The following ST3GAL6 variants were observed in gnomAD, a reference collection of about 807,000 sequenced individuals.
ST3GAL6 encodes the protein type 2 lactosamine alpha-2,3-sialyltransferase.
ST3GAL6 carries 31 observed loss-of-function variants against 40.5 expected under a neutral mutation model. The observed-to-expected ratio is 0.77, with a 90% CI of 0.58 to 1.03. ST3GAL6 has a LOEUF of 1.03. Ranked by LOEUF, ST3GAL6 falls within the 50% of genes least tolerant of loss-of-function variation. The pLI, the probability that ST3GAL6 is intolerant of heterozygous loss-of-function variation, is 0.00. For synonymous variants in ST3GAL6, 129 were observed against 136.9 expected (o/e 0.94, Z 0.40); for missense variants, 357 against 393.2 (o/e 0.91, Z 0.78).
chr3:98,732,706 C>A, intron 1 of ST3GAL6: 1 of 715,174 alleles, frequency 1.4e-6, no homozygotes, highest in Non-Finnish European at 2.1e-6. Flanking sequence ...TCGGCGCAGT[C>A]GCCCGGGATT....
intron 1 of ST3GAL6, among the ~76,000 whole-genome samples, chr3:98,738,237 C>G (rs1465461878): frequency 1.3e-5 from 2 of 151,964 alleles, no homozygotes; most frequent in Non-Finnish European, 2.9e-5. Context: ...GCCAATTAAA[C>G]CTCTTTGCTT....
intron 1 of ST3GAL6, chr3:98,733,258 G>T (rs1468400941): frequency 1.0e-6 from 1 of 983,104 alleles, no homozygotes; most frequent in African/African-American, 1.7e-5. Flanking sequence ...CCGCCGAGAG[G>T]GCACCCGGGG....
At chr3:98,777,477 T>A (rs1939668067) in intron 5 of ST3GAL6, among the ~76,000 whole-genome samples, 1 of 152,216 alleles carries the variant, frequency 6.6e-6, no homozygotes, top group African/African-American at 2.4e-5. Flanking sequence ...TGGATAGGAC[T>A]CCATCACAAG....
chr3:98,772,012 G>A (rs1342536865), intron 3 of ST3GAL6, among the ~76,000 whole-genome samples: 2 of 152,062 alleles, frequency 1.3e-5, no homozygotes, highest in Non-Finnish European at 2.9e-5. Flanking sequence ...TTGATTTTCT[G>A]AGCCACATAC....
At chr3:98,732,860 C>G in intron 1 of ST3GAL6, 1 of 1,512,014 alleles carries the variant, frequency 6.6e-7, no homozygotes, top group Non-Finnish European at 8.8e-7. Flanking sequence ...GCTTCTGCGG[C>G]CCGATGTGGC....
intron 1 of ST3GAL6, among the ~76,000 whole-genome samples, chr3:98,752,888 G>GT (rs986804258): frequency 4.6e-5 from 7 of 152,162 alleles, no homozygotes; most frequent in South Asian, 2.1e-4. Flanking sequence ...CCACCGACCA[G>GT]TTTTTTCCCT....
chr3:98,785,146 T>G (rs1940575732), intron 6 of ST3GAL6, 106 bp downstream of exon 6: 1 of 641,862 alleles, frequency 1.6e-6, no homozygotes, highest in Non-Finnish European at 2.5e-6. Context: ...TTCCATTTGG[T>G]TTTTTTTTTA....
intron 1 of ST3GAL6, among the ~76,000 whole-genome samples, chr3:98,766,405 C>CTTTTTTTTTTTTTTTTTT (rs369996406): frequency 9.6e-6 from 1 of 104,104 alleles, no homozygotes; most frequent in African/African-American, 4.1e-5. Flanking sequence ...AAATGTCATT[C>CTTTTTTTTTTTTTTTTTT]TTTTTTTTTT....
intron 5 of ST3GAL6, among the ~76,000 whole-genome samples, chr3:98,776,974 T>G (rs1370318075): frequency 6.6e-6 from 1 of 152,242 alleles, no homozygotes; most frequent in Non-Finnish European, 1.5e-5. Flanking sequence ...CCAGTTTTCA[T>G]GTAAATGAAC....
At chr3:98,788,005 CT>C in intron 6 of ST3GAL6, 30 bp from the exon 7 acceptor site, 1 of 1,586,348 alleles carries the variant, frequency 6.3e-7, no homozygotes, top group Non-Finnish European at 8.6e-7. Context: ...TGCACTTGGT[CT>C]ACATATCTTG....
At chr3:98,733,648 CT>C in intron 1 of ST3GAL6, 1 of 977,912 alleles carries the variant, frequency 1.0e-6, no homozygotes. Flanking sequence ...GGAGAAGCAA[CT>C]TGTCATTTTG....
At chr3:98,786,850 G>A (rs1054828274) in intron 6 of ST3GAL6, among the ~76,000 whole-genome samples, 9 of 151,966 alleles carry the variant, frequency 5.9e-5, no homozygotes, top group African/African-American at 1.7e-4. Context: ...CCAGGATTGT[G>A]GTTACAACTA....
At chr3:98,787,874 C>T (rs566594171) in intron 6 of ST3GAL6, among the ~76,000 whole-genome samples, 162 bp from the exon 7 acceptor site, 5 of 152,314 alleles carry the variant, frequency 3.3e-5, no homozygotes, top group Admixed American at 3.3e-4. Context: ...AAGGAATGAT[C>T]TCCTTGGCCA....
At chr3:98,751,104 T>C (rs1186045357) in intron 1 of ST3GAL6, among the ~76,000 whole-genome samples, 1 of 151,604 alleles carries the variant, frequency 6.6e-6, no homozygotes. Context: ...TTCAGTGACA[T>C]GATCTTGGCT....
intron 1 of ST3GAL6, chr3:98,732,593 G>A (rs1348189905): frequency 2.6e-6 from 1 of 392,108 alleles, no homozygotes; most frequent in African/African-American, 2.1e-5. Context: ...GAGACCCGCA[G>A]CCTCCCACCA....
intron 6 of ST3GAL6, among the ~76,000 whole-genome samples, chr3:98,786,229 A>G (rs1464582189): frequency 6.6e-5 from 10 of 151,458 alleles, no homozygotes; most frequent in African/African-American, 2.4e-4. Context: ...GGAGAGACTG[A>G]GAGAGAGAGA....
At chr3:98,734,560 C>A (rs1216439549) in intron 1 of ST3GAL6, among the ~76,000 whole-genome samples, 1 of 152,084 alleles carries the variant, frequency 6.6e-6, no homozygotes, top group African/African-American at 2.4e-5. Flanking sequence ...TACTATAGTT[C>A]CACAATGTCT....
chr3:98,739,837 T>C (rs916576823), intron 1 of ST3GAL6, among the ~76,000 whole-genome samples: 2 of 152,214 alleles, frequency 1.3e-5, no homozygotes, highest in African/African-American at 4.8e-5. Flanking sequence ...AGTGAGGTGA[T>C]AGATAATCCA....
At chr3:98,760,846 T>A (rs844161), upstream of ST3GAL6, among the ~76,000 whole-genome samples, 70,585 of 152,034 alleles carry the variant, frequency 0.46, 16,788 homozygotes, top group Middle Eastern at 0.56. Context: ...ACTGATAAAT[T>A]AATTGTGGTA....
Sources: allele counts gnomAD v4.1 joint callset (sites outside exome capture counted in the v4.1 genomes callset), GRCh38; gene constraint gnomAD v4.1.1; transcripts MANE v1.5; gene names NCBI Gene and HGNC (gene_info 2026-07-23, HGNC 2026-07-21).